RNMT: variants seen among roughly 807,000 people sequenced by gnomAD.
RNMT encodes the protein mRNA cap guanine-N(7) methyltransferase.
RNMT carries 27 observed loss-of-function variants against 56.0 expected under a neutral mutation model. The ratio of observed to expected loss-of-function variants is 0.48; its 90% confidence interval spans 0.36 to 0.67. The LOEUF (loss-of-function observed/expected upper bound fraction) is 0.67, where lower values mean the gene tolerates loss of function less well. Among genes scored for constraint, RNMT ranks in the 30% least tolerant of loss-of-function variants. The pLI is 0.00. For missense variants in RNMT, 519 were observed against 552.1 expected (o/e 0.94, Z 0.60); for synonymous variants, 184 against 176.2 (o/e 1.04, Z -0.35).
intron 9 of RNMT, among the ~76,000 whole-genome samples, chr18:13,750,559 G>A (rs915335437): frequency 3.9e-5 from 6 of 151,958 alleles, no homozygotes; most frequent in African/African-American, 1.2e-4. Context: ...CAGCGCTTTG[G>A]GAGGCTGAGG....
At chr18:13,742,752 C>A in intron 8 of RNMT, 100 bp downstream of exon 8, 7 of 858,566 alleles carry the variant, frequency 8.2e-6, no homozygotes, top group South Asian at 6.1e-5. Context: ...TAAATGAGGG[C>A]TAAAGAAAAA....
intron 4 of RNMT, among the ~76,000 whole-genome samples, chr18:13,736,194 C>T (rs2044155231): frequency 6.6e-6 from 1 of 152,080 alleles, no homozygotes; most frequent in Admixed American, 6.5e-5. Context: ...CTTTAAGTTC[C>T]TGCAGAAGGT....
chr18:13,761,849 C>CCCCCCCCCCCCCCCA lies in RNMT; in HGVS notation c.*1870_*1871insCCCCCCCCCCCCCCA. ...TCTTCCTCCACCACCCTACACCCCCCTCCCCCCGGCCCCAAGCCCCTGTGT... is the reference window on the plus strand; with the variant it reads ...TCTTCCTCCACCACCCTACACCCCCCCCCCCCCCCCCCCCATCCCCCCGGCCCCAAGCCCCTGTGT... On this transcript the variant is annotated 3_prime_UTR_variant, in exon 12 of 12. Coordinates refer to ENST00000383314, the MANE Select transcript of RNMT (RefSeq NM_003799.3). 3 of 1,184,268 alleles carry CCCCCCCCCCCCCCCA rather than the reference C, an allele frequency of 2.5e-6. No homozygotes were observed. Among genetic ancestry groups the CCCCCCCCCCCCCCCA allele is most frequent in the Non-Finnish European group, 3.2e-6 (3 of 951,934 alleles). 73.4% of individuals were successfully genotyped at this position (1,184,268 alleles called of 1,614,324 possible). A position where few individuals can be genotyped will look rare whatever the true frequency, so the allele number is the denominator to read the frequency against.
intron 7 of RNMT, 51 bp downstream of exon 7, chr18:13,741,742 G>A (rs577436669): frequency 7.6e-6 from 9 of 1,180,110 alleles, no homozygotes; most frequent in Middle Eastern, 2.3e-4. Flanking sequence ...GTATTAAGTA[G>A]CAAATGTTTA....
intron 5 of RNMT, among the ~76,000 whole-genome samples, chr18:13,738,113 A>G (rs1442374262): frequency 6.6e-6 from 1 of 152,094 alleles, no homozygotes; most frequent in Admixed American, 6.6e-5. Flanking sequence ...ACATACCCCC[A>G]CTACTGAAGT....
In RNMT at chr18:13,757,000, T is replaced by C. The variant is rs1050925898; in HGVS notation, c.1393+2853T>C. On this transcript the variant is annotated intron_variant, in intron 11 of 11. Coordinates refer to ENST00000383314, the MANE Select transcript of RNMT (RefSeq NM_003799.3). ...AGGCATACCTTGGAGATACTGCAAG[T>C]TCAGTTCTAGACCACCACAATAAAG... Among the ~76,000 whole-genome samples, 3 of 152,200 alleles carry C rather than the reference T, an allele frequency of 2.0e-5. No individual in the cohort carries two copies. The East Asian group carries it at 5.8e-4, about 29-fold the overall frequency.
At chr18:13,730,411 G>T (rs1460414742) in intron 1 of RNMT, 1 of 152,194 alleles carries the variant, frequency 6.6e-6, no homozygotes, top group Non-Finnish European at 1.5e-5. Context: ...AATTCTTGCT[G>T]TAGAATCCCA....
chr18:13,756,967 A>G (rs2044553560), intron 11 of RNMT, among the ~76,000 whole-genome samples: 1 of 152,214 alleles, frequency 6.6e-6, no homozygotes, highest in Non-Finnish European at 1.5e-5. Context: ...TTTTATTAGA[A>G]GATATACAGG....
intron 4 of RNMT, among the ~76,000 whole-genome samples, chr18:13,734,979 T>G (rs1284550853): frequency 6.6e-6 from 1 of 152,172 alleles, no homozygotes; most frequent in Non-Finnish European, 1.5e-5. Flanking sequence ...ACATTGAGGA[T>G]AGATAAAAAC....
chr18:13,740,485 C>G (rs961656949), intron 6 of RNMT, among the ~76,000 whole-genome samples: 1 of 152,172 alleles, frequency 6.6e-6, no homozygotes, highest in African/African-American at 2.4e-5. Context: ...AAGTGATTCT[C>G]CTGCCTCCCA....
At chr18:13,747,325 C>T (rs981875996) in intron 9 of RNMT, among the ~76,000 whole-genome samples, 73 of 151,506 alleles carry the variant, frequency 4.8e-4, no homozygotes, top group Non-Finnish European at 3.4e-4. Flanking sequence ...GGAAGGTGAT[C>T]CTCCCACCTG....
At chr18:13,758,425 T>C (rs1192553273) in intron 11 of RNMT, among the ~76,000 whole-genome samples, 1 of 152,232 alleles carries the variant, frequency 6.6e-6, no homozygotes, top group East Asian at 1.9e-4. Context: ...TTGATGCAGC[T>C]TCTACATCAG....
At chr18:13,746,701 T>G (rs1198828737) in intron 9 of RNMT, among the ~76,000 whole-genome samples, 1 of 152,192 alleles carries the variant, frequency 6.6e-6, no homozygotes, top group East Asian at 1.9e-4. Context: ...AACACTCTTG[T>G]CCCCAGTTAC....
chr18:13,746,343 T>C lies in RNMT; in HGVS notation c.1257+6T>C. The C allele has an allele frequency of 3.6e-5, 47 of 1,305,182 alleles. No individual in the cohort carries two copies. Among genetic ancestry groups the C allele is most frequent in the Non-Finnish European group, 4.5e-5 (41 of 912,346 alleles). The allele number at this position is 1,305,182 out of a possible 1,614,324, so 80.9% of individuals were successfully genotyped here. A position where few individuals can be genotyped will look rare whatever the true frequency, so the allele number is the denominator to read the frequency against. ...AACGAATGCAGGCCTTGGAGGTGAG[T>C]ATTTAGAAAAGATGTACAAATTTCA... On this transcript the variant is annotated splice_donor_region_variant and intron_variant, in intron 9 of 11. Coordinates refer to ENST00000383314, the MANE Select transcript of RNMT (RefSeq NM_003799.3).
intron 11 of RNMT, 149 bp downstream of exon 11, chr18:13,754,296 C>G: frequency 1.9e-6 from 1 of 536,072 alleles, no homozygotes; most frequent in Non-Finnish European, 3.3e-6. Flanking sequence ...TCCTCGAGCC[C>G]AGGAGTTGAG....
In RNMT at chr18:13,735,143, G is replaced by T. The variant is rs530816372; in HGVS notation, c.553+544G>T. ...ATATAATTATTGCTCTGTATATTTA[G>T]TGCATTAAGTAGACTCTTAGATAAA... On this transcript the variant is annotated intron_variant, in intron 4 of 11. Transcript: ENST00000383314. Among the ~76,000 whole-genome samples, 35 of 152,234 alleles carry T rather than the reference G, an allele frequency of 2.3e-4. No homozygotes were observed. The South Asian group carries it at 7.0e-3, about 31-fold the overall frequency.
rs192938733 is a variant in RNMT at position 13,740,370 on chromosome 18, T to A, written c.792+91T>A. 8.0e-4 allele frequency: 596 copies of A among 740,460 alleles called. 4 individuals carry two copies. Among genetic ancestry groups the A allele is most frequent in the African/African-American group, 7.4e-3 (414 of 55,918 alleles). 45.9% of individuals were successfully genotyped at this position (740,460 alleles called of 1,614,324 possible). A position where few individuals can be genotyped will look rare whatever the true frequency, so the allele number is the denominator to read the frequency against. Reference sequence around the variant, plus strand: ...AAAATCAACTCAATTTTTACTTTTTTAAAAAAATTTACTCTTATTTTTTGA... The same window carrying A: ...AAAATCAACTCAATTTTTACTTTTTAAAAAAAATTTACTCTTATTTTTTGA... On this transcript the variant is annotated intron_variant, in intron 6 of 11. Coordinates refer to ENST00000383314, the MANE Select transcript of RNMT (RefSeq NM_003799.3).
rs891264300 is a variant in RNMT, at chr18:13,761,960, C to T, written c.*1981C>T. On this transcript the variant is annotated 3_prime_UTR_variant, in exon 12 of 12. Coordinates refer to ENST00000383314, the MANE Select transcript of RNMT (RefSeq NM_003799.3). Reference sequence around the variant, plus strand: ...AAAGGCTTCCCCTGCCTATCCTCTCCGATCACCAAGGTGGAAGGGAGCTAG... The same window carrying T: ...AAAGGCTTCCCCTGCCTATCCTCTCTGATCACCAAGGTGGAAGGGAGCTAG... 9.9e-6 allele frequency: 15 copies of T among 1,514,586 alleles called. No individual in the cohort carries two copies. Among genetic ancestry groups the T allele is most frequent in the Admixed American group, 8.0e-5 (4 of 49,944 alleles). The allele number at this position is 1,514,586 out of a possible 1,614,324, so 93.8% of individuals were successfully genotyped here. A position where few individuals can be genotyped will look rare whatever the true frequency, so the allele number is the denominator to read the frequency against.
At chr18:13,727,984 C>T (rs754507192) in intron 1 of RNMT, among the ~76,000 whole-genome samples, 88 of 152,252 alleles carry the variant, frequency 5.8e-4, no homozygotes, top group Non-Finnish European at 2.2e-4. Context: ...CTTTATTCAT[C>T]TGTTGATGAA....
Sources: gnomAD v4.1 joint callset for allele counts (sites outside exome capture counted in the v4.1 genomes callset) on GRCh38, gnomAD v4.1.1 for gene constraint, MANE v1.5 for transcripts, NCBI Gene and HGNC (gene_info 2026-07-23, HGNC 2026-07-21) for gene names.